Variants in PRKCA observed in about 807,000 individuals in gnomAD.
PRKCA encodes protein kinase C alpha type.
A neutral mutation model predicts 87.0 loss-of-function variants in PRKCA; 27 were observed. The ratio of observed to expected loss-of-function variants is 0.31; its 90% CI spans 0.23 to 0.43. The LOEUF (loss-of-function observed/expected upper bound fraction) is 0.43. Among genes scored for constraint, PRKCA ranks in the 20% least tolerant of loss-of-function variants. The pLI, the probability that PRKCA is intolerant of heterozygous loss-of-function variation, is 1.00. For synonymous variants in PRKCA, 329 were observed against 311.1 expected (o/e 1.06, Z -0.61); for missense variants, 518 against 852.3 (o/e 0.61, Z 4.88).
intron 8 of PRKCA, among the ~76,000 whole-genome samples, chr17:66,720,763 C>A (rs1271540659): frequency 1.3e-5 from 2 of 152,182 alleles, no homozygotes; most frequent in Non-Finnish European, 2.9e-5. Flanking sequence ...GAGAAATCCA[C>A]AATTATTCAT....
At position 66,337,920 on chromosome 17, in the gene PRKCA, T is replaced by TA. The variant is rs548665610; in HGVS notation, c.205+31803dup. The stretch of plus-strand genomic sequence containing the variant: ...GCTTTCTATAAGTCAAAAAGCCAAT[T>TA]AAAAAAAAAACTTTTATTGCTAAAA... On this transcript the variant is annotated intron_variant, in intron 2 of 16. Coordinates refer to ENST00000413366, the MANE Select transcript of PRKCA (RefSeq NM_002737.3). 6.0e-3 allele frequency among the ~76,000 whole-genome samples: 891 copies of TA among 148,892 alleles called. 22 individuals carry two copies. Among genetic ancestry groups the TA allele is most frequent in the Admixed American group, 0.03 (444 of 14,866 alleles).
chr17:66,313,013 A>G (rs1905153289), intron 2 of PRKCA, among the ~76,000 whole-genome samples: 1 of 152,112 alleles, frequency 6.6e-6, no homozygotes, highest in Non-Finnish European at 1.5e-5. Flanking sequence ...TGCTGGGATT[A>G]CAGGCGTGAG....
chr17:66,602,995 A>G (rs931180857), intron 3 of PRKCA, among the ~76,000 whole-genome samples: 9 of 152,170 alleles, frequency 5.9e-5, no homozygotes, highest in Non-Finnish European at 1.2e-4. Context: ...TCTTCACCCA[A>G]TAAACCCTGT....
intron 8 of PRKCA, among the ~76,000 whole-genome samples, chr17:66,714,104 G>C (rs1234261621): frequency 6.6e-6 from 1 of 152,184 alleles, no homozygotes; most frequent in Non-Finnish European, 1.5e-5. Context: ...AGCAGTTGCA[G>C]CTGGGAGATC....
chr17:66,589,591 C>A (rs1159759681), intron 3 of PRKCA, among the ~76,000 whole-genome samples: 1 of 152,140 alleles, frequency 6.6e-6, no homozygotes, highest in Non-Finnish European at 1.5e-5. Flanking sequence ...AAATCTAAGA[C>A]CTGGAATTGC....
At chr17:66,479,121 A>G (rs771926010) in intron 2 of PRKCA, among the ~76,000 whole-genome samples, 62 of 152,248 alleles carry the variant, frequency 4.1e-4, no homozygotes, top group Admixed American at 4.6e-4. Context: ...CAAGCTATGC[A>G]TTCAGCAAAG....
chr17:66,585,068 G>C (rs35625961), intron 3 of PRKCA, among the ~76,000 whole-genome samples: 50,770 of 150,680 alleles, frequency 0.34, 8,931 homozygotes, highest in African/African-American at 0.38. Context: ...GCATGGGGAG[G>C]GGGGGGTGGT....
rs1167095286 is a variant in PRKCA, at chr17:66,359,253, A to G, written c.205+53126A>G. On this transcript the variant is annotated intron_variant, in intron 2 of 16. Coordinates refer to ENST00000413366, the MANE Select transcript of PRKCA (RefSeq NM_002737.3). ...CTCAGAAAATTCTTGAGTGGCACCAACTTTTGTCACTAATAGCCCACAGAC... is the reference window on the plus strand; with the variant it reads ...CTCAGAAAATTCTTGAGTGGCACCAGCTTTTGTCACTAATAGCCCACAGAC... Among the ~76,000 whole-genome samples the G allele has an allele frequency of 3.3e-5, 5 of 152,188 alleles. 1 individual carries two copies. Among genetic ancestry groups the G allele is most frequent in the African/African-American group, 1.2e-4 (5 of 41,446 alleles).
chr17:66,712,637 CCTG>C (rs1211223727), intron 8 of PRKCA, among the ~76,000 whole-genome samples: 1 of 152,178 alleles, frequency 6.6e-6, no homozygotes, highest in Non-Finnish European at 1.5e-5. Context: ...TCTTCTCCCA[CCTG>C]CTGGGCAACG....
chr17:66,424,155 C>T (rs16959240), intron 2 of PRKCA, among the ~76,000 whole-genome samples: 7,601 of 152,188 alleles, frequency 0.05, 218 homozygotes, highest in Admixed American at 0.079. Flanking sequence ...TTGCACTTCA[C>T]GTTTTGAATA....
intron 2 of PRKCA, among the ~76,000 whole-genome samples, chr17:66,439,127 C>G (rs754743338): frequency 1.3e-5 from 2 of 152,106 alleles, no homozygotes; most frequent in South Asian, 2.1e-4. Context: ...TAATTTCATT[C>G]AACCCTCCCA....
At chr17:66,555,022 C>T (rs913209269) in intron 3 of PRKCA, among the ~76,000 whole-genome samples, 6 of 152,120 alleles carry the variant, frequency 3.9e-5, no homozygotes, top group African/African-American at 9.6e-5. Context: ...AGACTACAGG[C>T]GCACGCTGCC....
At chr17:66,748,251 C>A (rs1974344631) in intron 13 of PRKCA, among the ~76,000 whole-genome samples, 2 of 152,176 alleles carry the variant, frequency 1.3e-5, no homozygotes, top group Admixed American at 6.5e-5. Flanking sequence ...GAATGCCAGC[C>A]CACTGATGCC....
rs1343859163 is a variant in PRKCA at position 66,687,196 on chromosome 17, G to T, written c.615G>T (p.Lys205Asn). The change falls in exon 6 of 17, where the codon AAG (lysine) becomes AAT (asparagine). Residue 205 changes from lysine to asparagine, a missense_variant. Coordinates refer to ENST00000413366, the MANE Select transcript of PRKCA (RefSeq NM_002737.3). ...AGCTGAAACTTATTCCTGATCCCAA[G>T]AATGAAAGCAAGCAAAAAACCAAAA... ...YVKLKLIPDP[K>N]NESKQKTKTI... 16 of 1,613,884 alleles carry T rather than the reference G, an allele frequency of 9.9e-6. No homozygotes were observed. Among genetic ancestry groups the T allele is most frequent in the Non-Finnish European group, 1.2e-5 (14 of 1,179,976 alleles).
chr17:66,556,525 G>C (rs143238361), intron 3 of PRKCA, among the ~76,000 whole-genome samples: 155 of 152,178 alleles, frequency 1.0e-3, no homozygotes, highest in African/African-American at 3.6e-3. Context: ...TGTTTGAAAG[G>C]CAGTTGAATG....
chr17:66,353,232 C>T (rs531155107), intron 2 of PRKCA, among the ~76,000 whole-genome samples: 1 of 152,314 alleles, frequency 6.6e-6, no homozygotes, highest in African/African-American at 2.4e-5. Flanking sequence ...TCTTTCTGCA[C>T]ATTTTGGTGA....
chr17:66,449,625 G>T (rs1015825301), intron 2 of PRKCA, among the ~76,000 whole-genome samples: 1 of 152,134 alleles, frequency 6.6e-6, no homozygotes, highest in African/African-American at 2.4e-5. Flanking sequence ...TGGAGAAAAG[G>T]CCCCTGTGTC....
rs763396514 is a variant in PRKCA, at chr17:66,383,750, C to T, written c.205+77623C>T. ...GGTGGATCACTTGAGGTCAGGAGTT[C>T]AAAACCAGCTAGGACAACATGGTGA... On this transcript the variant is annotated intron_variant, in intron 2 of 16. Transcript: ENST00000413366. Among the ~76,000 whole-genome samples, 6 of 152,008 alleles carry T rather than the reference C, an allele frequency of 3.9e-5. No homozygotes were observed. In the South Asian group the frequency reaches 1.2e-3, roughly 32 times the overall value.
chr17:66,518,708 A>C (rs1373488547), intron 3 of PRKCA, among the ~76,000 whole-genome samples: 2 of 152,236 alleles, frequency 1.3e-5, no homozygotes, highest in Non-Finnish European at 1.5e-5. Flanking sequence ...CATTCAAAAA[A>C]GAAAAGATTT....
Sources: gnomAD v4.1 joint callset for allele counts (sites outside exome capture counted in the v4.1 genomes callset) on GRCh38, gnomAD v4.1.1 for gene constraint, MANE v1.5 for transcripts, NCBI Gene and HGNC (gene_info 2026-07-23, HGNC 2026-07-21) for gene names.